The following STK3 variants were observed in gnomAD, a reference collection of about 807,000 sequenced individuals.
STK3 encodes the protein serine/threonine-protein kinase 3.
A neutral mutation model predicts 58.0 loss-of-function variants in STK3; 41 were observed. The ratio of observed to expected loss-of-function variants is 0.71; its 90% CI spans 0.55 to 0.92. The LOEUF is 0.92. Ranked by LOEUF, STK3 falls within the 40% of genes least tolerant of loss-of-function variation. The pLI, the probability that STK3 is intolerant of heterozygous loss-of-function variation, is 0.00. For synonymous variants in STK3, 170 were observed against 191.0 expected (o/e 0.89, Z 0.91); for missense variants, 479 against 602.7 (o/e 0.79, Z 2.15).
intron 6 of STK3, among the ~76,000 whole-genome samples, chr8:98,653,495 A>C (rs1263393263): frequency 3.9e-5 from 6 of 152,200 alleles, no homozygotes; most frequent in Non-Finnish European, 8.8e-5. Flanking sequence ...AGCAGAACTG[A>C]AGGAAATAGA....
intron 8 of STK3, among the ~76,000 whole-genome samples, chr8:98,556,711 G>C (rs890215883): frequency 6.6e-6 from 1 of 152,048 alleles, no homozygotes; most frequent in African/African-American, 2.4e-5. Context: ...TTGGAGAAGG[G>C]AAAGACTGGA....
At chr8:98,715,832 C>G (rs1394765662) in intron 4 of STK3, among the ~76,000 whole-genome samples, 5 of 152,140 alleles carry the variant, frequency 3.3e-5, no homozygotes, top group East Asian at 3.8e-4. Context: ...CACATGCACA[C>G]GTATGTTTAC....
At chr8:98,426,445 CTG>C (rs1306216308) in intron 3 of STK3, among the ~76,000 whole-genome samples, 1 of 152,204 alleles carries the variant, frequency 6.6e-6, no homozygotes, top group Non-Finnish European at 1.5e-5. Context: ...TGGACACAAA[CTG>C]TGCCCACACA....
At chr8:98,777,633 A>C (rs1422781604) in intron 1 of STK3, among the ~76,000 whole-genome samples, 1 of 152,244 alleles carries the variant, frequency 6.6e-6, no homozygotes, top group Non-Finnish European at 1.5e-5. Context: ...TGATGGGCTT[A>C]TTTTAGGACT....
At chr8:98,469,353 TCTC>T (rs1395868600) in intron 10 of STK3, among the ~76,000 whole-genome samples, 7 of 152,128 alleles carry the variant, frequency 4.6e-5, no homozygotes, top group Admixed American at 1.3e-4. Context: ...CAAAATTTTA[TCTC>T]TAATAATACC....
At chr8:98,541,012 T>G (rs1563720142) in intron 9 of STK3, among the ~76,000 whole-genome samples, 1 of 152,174 alleles carries the variant, frequency 6.6e-6, no homozygotes, top group Non-Finnish European at 1.5e-5. Flanking sequence ...ATTACTGAAC[T>G]CAGCGGCGCC....
chr8:98,921,020 T>C (rs941588510), intron 1 of STK3, among the ~76,000 whole-genome samples: 29 of 152,208 alleles, frequency 1.9e-4, no homozygotes, highest in Non-Finnish European at 5.9e-5. Flanking sequence ...AATCCCTATA[T>C]CTATTTAGTT....
At chr8:98,928,412 A>G (rs1270489888) in intron 1 of STK3, among the ~76,000 whole-genome samples, 1 of 152,236 alleles carries the variant, frequency 6.6e-6, no homozygotes, top group Non-Finnish European at 1.5e-5. Context: ...AAAAAACAAG[A>G]CAATTGCAAA....
At chr8:98,897,672 A>T (rs1400999559) in intron 1 of STK3, among the ~76,000 whole-genome samples, 1 of 152,208 alleles carries the variant, frequency 6.6e-6, no homozygotes, top group Non-Finnish European at 1.5e-5. Flanking sequence ...CATTTTATGG[A>T]TTCACATTGG....
intron 4 of STK3, among the ~76,000 whole-genome samples, chr8:98,748,862 A>G (rs1418316023): frequency 1.3e-5 from 2 of 152,070 alleles, no homozygotes; most frequent in Middle Eastern, 3.4e-3. Context: ...TCAGAAGTAT[A>G]TAATTTCTTC....
intron 8 of STK3, among the ~76,000 whole-genome samples, chr8:98,575,563 C>T (rs1362337263): frequency 1.3e-5 from 2 of 151,592 alleles, no homozygotes; most frequent in Non-Finnish European, 2.9e-5. Context: ...GGGCCCTGTC[C>T]TGGTCTCTGG....
chr8:98,933,959 T>G (rs1340361315), intron 1 of STK3, among the ~76,000 whole-genome samples: 1 of 152,234 alleles, frequency 6.6e-6, no homozygotes, highest in African/African-American at 2.4e-5. Flanking sequence ...TCTCCACACT[T>G]ATCTTTAGAG....
intron 6 of STK3, among the ~76,000 whole-genome samples, chr8:98,674,357 A>G (rs919046034): frequency 6.6e-6 from 1 of 152,144 alleles, no homozygotes; most frequent in Non-Finnish European, 1.5e-5. Context: ...TATAAACTCA[A>G]TGAAATGTTC....
chr8:98,877,666 A>G (rs1485523689), intron 3 of STK3, among the ~76,000 whole-genome samples: 3 of 152,020 alleles, frequency 2.0e-5, no homozygotes, highest in Non-Finnish European at 2.9e-5. Context: ...TATTTTTAGT[A>G]GAGACGGGGT....
At chr8:98,594,404 A>G (rs931822098) in intron 7 of STK3, among the ~76,000 whole-genome samples, 9 of 152,062 alleles carry the variant, frequency 5.9e-5, no homozygotes, top group Non-Finnish European at 1.3e-4. Flanking sequence ...GTTTGATACC[A>G]GCCTGATCAA....
intron 3 of STK3, among the ~76,000 whole-genome samples, chr8:98,865,555 A>G (rs1222963453): frequency 1.3e-5 from 2 of 152,036 alleles, no homozygotes; most frequent in African/African-American, 4.8e-5. Flanking sequence ...ATTTTTAGAG[A>G]TGGTGTCTCA....
intron 10 of STK3, among the ~76,000 whole-genome samples, chr8:98,525,279 G>A (rs1825664338): frequency 6.6e-6 from 1 of 152,142 alleles, no homozygotes; most frequent in Non-Finnish European, 1.5e-5. Flanking sequence ...AAGGGTGAGA[G>A]GGGAAGAAGG....
intron 6 of STK3, among the ~76,000 whole-genome samples, chr8:98,630,646 GAGA>G (rs1411873527): frequency 6.8e-6 from 1 of 147,916 alleles, no homozygotes; most frequent in Non-Finnish European, 1.5e-5. Context: ...GAAGAAGAAG[GAGA>G]AGGAGAAGGA....
In STK3 at chr8:98,455,922, G is replaced by A; in HGVS notation, c.1396C>T (p.Leu466Phe). Residue 466 changes from leucine (L) to phenylalanine (F), a missense_variant, in exon 11 of 11, where the codon CTT (leucine) becomes TTT (phenylalanine). Around this residue, in one of 3 missense-constraint regions of STK3, gnomAD observed 309 missense variants for 355.7 expected, o/e 0.87. Coordinates refer to ENST00000419617, the MANE Select transcript of STK3 (RefSeq NM_006281.4). ...DPMMEREIEE[L>F]RQRYTAKRQP... ...CTTTTCGCAGTGTATCTCTGACGAA[G>A]TTCTTCTATCTCCCGTTCCATCATG... 1 of 1,613,534 alleles carries A rather than the reference G, an allele frequency of 6.2e-7. No homozygotes were observed. The highest frequency in any genetic ancestry group is 8.5e-7 in the Non-Finnish European group (1 of 1,179,758).
Sources: gnomAD v4.1 joint callset for allele counts (sites outside exome capture counted in the v4.1 genomes callset) on GRCh38, gnomAD v4.1.1 for gene constraint, gnomAD v4.1.1 regional missense constraint, MANE v1.5 for transcripts, NCBI Gene and HGNC (gene_info 2026-07-23, HGNC 2026-07-21) for gene names.